Variants in SZT2 observed in about 807,000 individuals in gnomAD.
SZT2 encodes KICSTOR complex protein SZT2.
Under a neutral mutation model 404.2 loss-of-function variants are expected in SZT2, and 216 were observed. That is an observed-to-expected ratio of 0.53 (90% CI 0.48 to 0.60). The LOEUF is 0.60. Ranked by LOEUF, SZT2 falls within the 20% of genes least tolerant of loss-of-function variation. The pLI is 0.00. For missense variants in SZT2, 3,857 were observed against 4,459.2 expected, an observed-to-expected ratio of 0.86 and a Z score of 3.85; for synonymous variants, 1,693 against 1,749.9, an observed-to-expected ratio of 0.97 and a Z score of 0.81.
At position 43,451,349 on chromosome 1, in the gene SZT2, A is replaced by AG. The variant is rs1272055257; in HGVS notation, c.*871dup. On this transcript the variant is annotated 3_prime_UTR_variant, in exon 72 of 72. Transcript: ENST00000634258. ...GGAGGCCTCGGCACCTCAGCCCACA[A>AG]GGAGAAAACAGCCCCTGTCCGGGTC... 6.2e-7 allele frequency: 1 copy of AG among 1,612,702 alleles called. No homozygotes were observed. The highest frequency in any genetic ancestry group is 1.1e-5 in the South Asian group (1 of 91,084).
chr1:43,390,039 G>T, intron 1 of SZT2, 44 bp downstream of exon 1: 1 of 1,374,938 alleles, frequency 7.3e-7, no homozygotes, highest in Non-Finnish European at 9.4e-7. Flanking sequence ...AGATCCGAGG[G>T]GGAGGGTCCG....
Position 43,403,787 on chromosome 1 carries a change from A to C in SZT2, c.327+13A>C, listed in dbSNP as rs374074178. ...TACTGGCATTGTGGTAAAGGATTGAAGGGAGACTGTGGGAAGAAAGGATGG... is the reference window on the plus strand; with the variant it reads ...TACTGGCATTGTGGTAAAGGATTGACGGGAGACTGTGGGAAGAAAGGATGG... On this transcript the variant is annotated intron_variant, in intron 3 of 71. Coordinates refer to ENST00000634258, the MANE Select transcript of SZT2 (RefSeq NM_001365999.1). The C allele has an allele frequency of 1.8e-5, 29 of 1,610,456 alleles. No individual in the cohort carries two copies. In the African/African-American group the frequency reaches 3.7e-4, roughly 21 times the overall value.
At chr1:43,447,789 G>A in intron 67 of SZT2, 60 bp from the exon 68 acceptor site, 1 of 1,611,514 alleles carries the variant, frequency 6.2e-7, no homozygotes, top group Non-Finnish European at 8.5e-7. Flanking sequence ...TCTTGGGCAG[G>A]GGTGAGGTTT....
Position 43,443,802 on chromosome 1 carries a change from C to T in SZT2, c.8825+6C>T, listed in dbSNP as rs745520165. The T allele has an allele frequency of 6.8e-6, 11 of 1,612,848 alleles. No individual in the cohort carries two copies. The highest frequency in any genetic ancestry group is 8.5e-6 in the Non-Finnish European group (10 of 1,179,954). ...CCCCCCTCACCCGCCCGCAGGTGAG[C>T]CCGTCCCTGTTTTCCCTTCTGTCTT... is the stretch of plus-strand genomic sequence containing the variant. On this transcript the variant is annotated splice_donor_region_variant and intron_variant, in intron 62 of 71. Coordinates refer to ENST00000634258, the MANE Select transcript of SZT2 (RefSeq NM_001365999.1).
intron 1 of SZT2, among the ~76,000 whole-genome samples, chr1:43,398,662 GC>G (rs1649288718): frequency 6.6e-6 from 1 of 152,142 alleles, no homozygotes; most frequent in Admixed American, 6.5e-5. Context: ...TTCCTTCTTT[GC>G]CAATAAATAG....
intron 51 of SZT2, 80 bp downstream of exon 51, chr1:43,440,128 G>T: frequency 6.3e-7 from 1 of 1,578,834 alleles, no homozygotes; most frequent in Non-Finnish European, 8.6e-7. Context: ...AGCGTGCAAA[G>T]GTGGGGTTTA....
At chr1:43,430,258 G>A in intron 30 of SZT2, 53 bp from the exon 31 acceptor site, 1 of 1,592,512 alleles carries the variant, frequency 6.3e-7, no homozygotes, top group South Asian at 1.1e-5. Context: ...ACTTGCCTAG[G>A]ATGAGGCAAG....
At chr1:43,419,511 G>A (rs1302363513) in intron 7 of SZT2, among the ~76,000 whole-genome samples, 1 of 152,212 alleles carries the variant, frequency 6.6e-6, no homozygotes, top group African/African-American at 2.4e-5. Flanking sequence ...GTATCGAGGA[G>A]GAAGCAAAGA....
chr1:43,430,190 G>A (rs1029169380), intron 30 of SZT2, 87 bp downstream of exon 30: 8 of 1,576,066 alleles, frequency 5.1e-6, no homozygotes, highest in East Asian at 2.2e-5. Flanking sequence ...CTGAGGCCTG[G>A]ATGTGGCTCT....
At chr1:43,402,525 C>T (rs926666106) in intron 1 of SZT2, among the ~76,000 whole-genome samples, 1 of 152,132 alleles carries the variant, frequency 6.6e-6, no homozygotes, top group Non-Finnish European at 1.5e-5. Flanking sequence ...TCAGATTCAT[C>T]CCCAGATAAG....
chr1:43,431,735 A>G lies in SZT2; in HGVS notation c.5108A>G (p.Asp1703Gly), dbSNP rs1188793510. The change falls in exon 36 of 72, where the codon GAT (aspartate) becomes GGT (glycine). Residue 1703 changes from aspartate to glycine, a missense_variant. By Grantham distance (94) the Asp-to-Gly change is moderately conservative. Coordinates refer to ENST00000634258, the MANE Select transcript of SZT2 (RefSeq NM_001365999.1). ...TMNEIRWLLE[D>G]EMVGALRRGG... ...CTGTAGATCCGCTGGTTGTTGGAAG[A>G]TGAGATGGTGGGGGCACTCCGAAGA... is the stretch of plus-strand genomic sequence containing the variant. The G allele has an allele frequency of 6.2e-7, 1 of 1,614,166 alleles. No homozygotes were observed. Among genetic ancestry groups the G allele is most frequent in the Non-Finnish European group, 8.5e-7 (1 of 1,180,016 alleles).
In SZT2 at chr1:43,447,577, G is replaced by T; in HGVS notation, c.9319G>T (p.Ala3107Ser). The T allele has an allele frequency of 1.9e-6, 3 of 1,614,116 alleles. No individual in the cohort carries two copies. The highest frequency in any genetic ancestry group is 2.5e-6 in the Non-Finnish European group (3 of 1,180,022). ...TLELPTPLIA[A>S]HQLYNYVADH... is the part of the protein sequence containing the mutation. ...GGAGCTCCCCACACCACTCATTGCTGCCCACCAGCTATACAACTACGTGGC... is the reference window on the plus strand; with the variant it reads ...GGAGCTCCCCACACCACTCATTGCTTCCCACCAGCTATACAACTACGTGGC... Residue 3107 changes from alanine (A) to serine (S), a missense_variant, in exon 67 of 72, where the codon GCC (alanine) becomes TCC (serine). Physicochemically the swap from Ala to Ser is moderately conservative, Grantham distance 99. Around this residue, in one of 7 missense-constraint regions of SZT2, gnomAD observed 717 missense variants for 868.2 expected, o/e 0.83. Transcript: ENST00000634258.
Position 43,422,533 on chromosome 1 carries a change from T to G in SZT2, c.1823T>G (p.Ile608Ser). 1 of 1,597,948 alleles carries G rather than the reference T, an allele frequency of 6.3e-7. No individual in the cohort carries two copies. Among genetic ancestry groups the G allele is most frequent in the Non-Finnish European group, 8.5e-7 (1 of 1,179,604 alleles). Residue 608 changes from isoleucine (I) to serine (S), a missense_variant, in exon 13 of 72, where the codon ATC (isoleucine) becomes AGC (serine). Physicochemically the swap from Ile to Ser is moderately radical, Grantham distance 142 (BLOSUM62 -2). Coordinates refer to ENST00000634258, the MANE Select transcript of SZT2 (RefSeq NM_001365999.1). ...TPGSNGRYST[I>S]QCRISHSSLT... The stretch of plus-strand genomic sequence containing the variant: ...GGCAGCAATGGGCGCTACAGCACTA[T>G]CCAGTGCAGGATCTCCCACTCCTCC...
chr1:43,403,098 A>G, intron 1 of SZT2, 79 bp from the exon 2 acceptor site: 3 of 1,519,176 alleles, frequency 2.0e-6, no homozygotes, highest in Non-Finnish European at 2.7e-6. Flanking sequence ...CCTTGGGCAA[A>G]TTATTTGGAC....
At chr1:43,391,148 G>C (rs1228251761) in intron 1 of SZT2, among the ~76,000 whole-genome samples, 1 of 152,156 alleles carries the variant, frequency 6.6e-6, no homozygotes, top group Non-Finnish European at 1.5e-5. Context: ...AAGCCTGTCT[G>C]TACTGAAAAT....
Position 43,453,503 on chromosome 1 carries a change from G to A in SZT2, c.*3023G>A. 1 of 1,546,898 alleles carries A rather than the reference G, an allele frequency of 6.5e-7. No individual in the cohort carries two copies. Among genetic ancestry groups the A allele is most frequent in the Non-Finnish European group, 8.7e-7 (1 of 1,144,146 alleles). The stretch of plus-strand genomic sequence containing the variant: ...TTCCCCCTTCTCTTGGTCTCCTGCA[G>A]AGAGAACGGGCCTCAGCCCCCGGCT... On this transcript the variant is annotated 3_prime_UTR_variant, in exon 72 of 72. Transcript: ENST00000634258.
chr1:43,398,552 C>T (rs1420768626), intron 1 of SZT2, among the ~76,000 whole-genome samples: 3 of 152,128 alleles, frequency 2.0e-5, no homozygotes, highest in Non-Finnish European at 4.4e-5. Context: ...AATATCCCAC[C>T]CACACTAGCT....
chr1:43,403,170 T>G lies in SZT2; in HGVS notation c.28-7T>G. ...TTAAAGATGTATTAATGTCTCTTTGTTCCCAGGTGGAAGAAGCTGGGCAGG... is the reference window on the plus strand; with the variant it reads ...TTAAAGATGTATTAATGTCTCTTTGGTCCCAGGTGGAAGAAGCTGGGCAGG... On this transcript the variant is annotated splice_polypyrimidine_tract_variant and splice_region_variant and intron_variant, in intron 1 of 71. Coordinates refer to ENST00000634258, the MANE Select transcript of SZT2 (RefSeq NM_001365999.1). The G allele has an allele frequency of 6.2e-7, 1 of 1,613,998 alleles. No homozygotes were observed. The highest frequency in any genetic ancestry group is 8.5e-7 in the Non-Finnish European group (1 of 1,179,932).
chr1:43,421,155 C>T lies in SZT2; in HGVS notation c.1497-19C>T, dbSNP rs1652314296. 1.3e-6 allele frequency: 2 copies of T among 1,597,808 alleles called. No individual in the cohort carries two copies. Among genetic ancestry groups the T allele is most frequent in the Non-Finnish European group, 1.7e-6 (2 of 1,179,602 alleles). ...CCAGCAGAGTCAGATATGGCTCAGG[C>T]CTGGCCCTTATTCTACAGCATCAAC... On this transcript the variant is annotated intron_variant, in intron 10 of 71. Transcript: ENST00000634258.
Sources: allele counts gnomAD v4.1 joint callset (sites outside exome capture counted in the v4.1 genomes callset), GRCh38; gene constraint gnomAD v4.1.1; regional missense constraint gnomAD v4.1.1; transcripts MANE v1.5; gene names NCBI Gene and HGNC (gene_info 2026-07-23, HGNC 2026-07-21).